Variants in DISP1 observed in about 807,000 individuals in gnomAD.
DISP1 encodes the protein protein dispatched homolog 1.
A neutral mutation model predicts 37.3 loss-of-function variants in DISP1; 30 were observed. That is an observed-to-expected ratio of 0.80 (90% CI 0.60 to 1.09). The LOEUF is 1.09. Among genes scored for constraint, DISP1 ranks in the 50% least tolerant of loss-of-function variants. The pLI is 0.00. For synonymous variants in DISP1, 634 were observed against 690.2 expected (o/e 0.92, Z 1.28); for missense variants, 1,598 against 1,879.5 (o/e 0.85, Z 2.77).
intron 1 of DISP1, among the ~76,000 whole-genome samples, chr1:222,900,156 A>G (rs2125403223): frequency 6.6e-6 from 1 of 152,320 alleles, no homozygotes; most frequent in Non-Finnish European, 1.5e-5. Context: ...AGTAGAATTG[A>G]GATTGAATAT....
At chr1:222,977,951 T>A (rs949555331) in intron 3 of DISP1, among the ~76,000 whole-genome samples, 6 of 152,184 alleles carry the variant, frequency 3.9e-5, no homozygotes, top group Admixed American at 1.3e-4. Context: ...GACATTTGGG[T>A]TGGTTCCAAG....
chr1:222,906,905 G>C (rs995976790), intron 1 of DISP1, among the ~76,000 whole-genome samples: 4 of 152,180 alleles, frequency 2.6e-5, no homozygotes, highest in Admixed American at 6.5e-5. Flanking sequence ...TTAGGGTCTG[G>C]ATCAGTACCC....
chr1:222,920,366 C>T (rs146643971), intron 1 of DISP1, among the ~76,000 whole-genome samples: 3 of 152,264 alleles, frequency 2.0e-5, no homozygotes, highest in African/African-American at 4.8e-5. Flanking sequence ...TGGAAACTCT[C>T]CAGAGCCCAT....
In DISP1 at chr1:222,938,758, AAAAAGG is replaced by A. The variant is rs1398831235; in HGVS notation, c.-17-4046_-17-4041del. Among the ~76,000 whole-genome samples the A allele has an allele frequency of 1.9e-3, 268 of 142,010 alleles. 2 individuals are homozygous for A. Among genetic ancestry groups the A allele is most frequent in the African/African-American group, 6.4e-3 (242 of 37,870 alleles). 93.2% of individuals were successfully genotyped at this position (142,010 alleles called of 152,430 possible). A position where few individuals can be genotyped will look rare whatever the true frequency, so the allele number is the denominator to read the frequency against. ...TAAAAAAAAAAAAAAAAAAAAAAAAAAAAAGGAAGGAAGGAAGGAAGGAAGGACGGG... is the reference window on the plus strand; with the variant it reads ...TAAAAAAAAAAAAAAAAAAAAAAAAAAAGGAAGGAAGGAAGGAAGGACGGG... On this transcript the variant is annotated intron_variant, in intron 2 of 8. Transcript: ENST00000675850.
intron 1 of DISP1, among the ~76,000 whole-genome samples, chr1:222,855,218 T>C (rs571052739): frequency 6.6e-6 from 1 of 152,348 alleles, no homozygotes; most frequent in East Asian, 1.9e-4. Context: ...ACCTGTGCTC[T>C]CTTATTCTTT....
At chr1:222,953,216 A>G (rs1675355142) in intron 3 of DISP1, among the ~76,000 whole-genome samples, 1 of 152,196 alleles carries the variant, frequency 6.6e-6, no homozygotes. Flanking sequence ...TGGGAGTAAC[A>G]GTAGCTATTT....
chr1:222,906,415 G>A lies in DISP1; in HGVS notation c.-158-22015G>A, dbSNP rs143606232. On this transcript the variant is annotated intron_variant, in intron 1 of 8. Transcript: ENST00000675850. Reference sequence around the variant, plus strand: ...CAACTCCATCTTAAATAGGGGCTGGGTAAAAAAAACGCTGCCATCTGCTGG... The same window carrying A: ...CAACTCCATCTTAAATAGGGGCTGGATAAAAAAAACGCTGCCATCTGCTGG... 2.5e-3 allele frequency among the ~76,000 whole-genome samples: 379 copies of A among 152,258 alleles called. 3 individuals carry two copies. Among genetic ancestry groups the A allele is most frequent in the African/African-American group, 8.9e-3 (370 of 41,546 alleles).
intron 1 of DISP1, among the ~76,000 whole-genome samples, chr1:222,848,974 CAAAG>C (rs1349628344): frequency 6.6e-6 from 1 of 152,068 alleles, no homozygotes; most frequent in Non-Finnish European, 1.5e-5. Context: ...TATAATACCA[CAAAG>C]AAGGCAAAAA....
chr1:222,851,674 T>G (rs1668242528), intron 1 of DISP1, among the ~76,000 whole-genome samples: 1 of 152,214 alleles, frequency 6.6e-6, no homozygotes, highest in South Asian at 2.1e-4. Flanking sequence ...CAACTTTGTT[T>G]TTAAAACTTT....
chr1:222,857,761 C>T (rs1202692331), intron 1 of DISP1, among the ~76,000 whole-genome samples: 2 of 152,138 alleles, frequency 1.3e-5, no homozygotes, highest in East Asian at 1.9e-4. Context: ...AACTACAAAC[C>T]ACTGCTCAAG....
At chr1:222,864,722 A>T (rs1370392151) in intron 1 of DISP1, among the ~76,000 whole-genome samples, 1 of 152,216 alleles carries the variant, frequency 6.6e-6, no homozygotes, top group African/African-American at 2.4e-5. Flanking sequence ...CAGCTCTAGC[A>T]GTGTGAAATA....
chr1:222,846,175 T>G (rs1667883596), intron 1 of DISP1, among the ~76,000 whole-genome samples: 1 of 152,212 alleles, frequency 6.6e-6, no homozygotes, highest in Non-Finnish European at 1.5e-5. Flanking sequence ...ACAACTTTAG[T>G]GACAGTGTGG....
intron 1 of DISP1, among the ~76,000 whole-genome samples, chr1:222,823,460 T>C (rs61838118): frequency 0.11 from 16,466 of 152,182 alleles, 1,234 homozygotes; most frequent in South Asian, 0.16. Flanking sequence ...TTCTCACTTA[T>C]AAGTGCTAAA....
chr1:222,861,225 C>A (rs1668864027), intron 1 of DISP1, among the ~76,000 whole-genome samples: 1 of 152,146 alleles, frequency 6.6e-6, no homozygotes, highest in Non-Finnish European at 1.5e-5. Context: ...GTTCTCTTGT[C>A]TATTTTGTGG....
intron 3 of DISP1, among the ~76,000 whole-genome samples, chr1:222,944,539 A>G (rs1674623910): frequency 6.6e-6 from 1 of 152,218 alleles, no homozygotes; most frequent in African/African-American, 2.4e-5. Flanking sequence ...CAGTTCGATC[A>G]GTGTTGACAA....
chr1:222,853,317 G>A (rs975204904), intron 1 of DISP1, among the ~76,000 whole-genome samples: 1 of 152,160 alleles, frequency 6.6e-6, no homozygotes, highest in Non-Finnish European at 1.5e-5. Flanking sequence ...AATTAGTACA[G>A]CTACTATGGA....
Position 222,919,351 on chromosome 1 carries a change from T to C in DISP1, c.-158-9079T>C, listed in dbSNP as rs116052664. Among the ~76,000 whole-genome samples the C allele has an allele frequency of 6.7e-3, 1,013 of 152,256 alleles. 10 individuals carry two copies. The highest frequency in any genetic ancestry group is 0.024 in the African/African-American group (984 of 41,554). On this transcript the variant is annotated intron_variant, in intron 1 of 8. Transcript: ENST00000675850. ...GGGAAGTCACGCCCCGAGCGCAGTG[T>C]TTCTTGTGATTAGGCACATTGAAGC...
At position 222,958,077 on chromosome 1, in the gene DISP1, G is replaced by A. The variant is rs193090986; in HGVS notation, c.509+14745G>A. Among the ~76,000 whole-genome samples the A allele has an allele frequency of 2.2e-4, 33 of 152,266 alleles. No individual in the cohort carries two copies. In the East Asian group the frequency reaches 5.8e-3, roughly 27 times the overall value. Reference sequence around the variant, plus strand: ...TGTTAAGCAGATCCAATGAGTGTGCGTTTTTGCTCTGTGGCATTACCATCA... The same window carrying A: ...TGTTAAGCAGATCCAATGAGTGTGCATTTTTGCTCTGTGGCATTACCATCA... On this transcript the variant is annotated intron_variant, in intron 3 of 8. Transcript: ENST00000675850.
rs754730870 is a variant in DISP1 at position 223,005,421 on chromosome 1, G to A, written c.4024G>A (p.Val1342Ile). 30 of 1,613,460 alleles carry A rather than the reference G, an allele frequency of 1.9e-5. No individual in the cohort carries two copies. Among genetic ancestry groups the A allele is most frequent in the Non-Finnish European group, 2.5e-5 (30 of 1,180,034 alleles). The change falls in exon 9 of 9, where the codon GTA becomes ATA. Residue 1342 changes from valine to isoleucine, a missense_variant. Transcript: ENST00000675850. ...CCACTGTCCCTGCCTGCAGGGCAGA[G>A]TAAAGCCAGCCGGAATGCAGAATTC... ...IHHCPCLQGR[V>I]KPAGMQNSLP...
Sources: gnomAD v4.1 joint callset for allele counts (sites outside exome capture counted in the v4.1 genomes callset) on GRCh38, gnomAD v4.1.1 for gene constraint, MANE v1.5 for transcripts, NCBI Gene and HGNC (gene_info 2026-07-23, HGNC 2026-07-21) for gene names.